Variants in WDR43 observed in about 807,000 individuals in gnomAD.
The protein encoded by WDR43 is WD repeat-containing protein 43.
A neutral mutation model predicts 91.4 loss-of-function variants in WDR43; 13 were observed. The observed-to-expected ratio is 0.14, with a 90% CI of 0.09 to 0.23. The LOEUF (loss-of-function observed/expected upper bound fraction) is 0.23. Ranked by LOEUF, WDR43 falls within the 10% of genes least tolerant of loss-of-function variation. The pLI, the probability that WDR43 is intolerant of heterozygous loss-of-function variation, is 1.00. For synonymous variants in WDR43, 331 were observed against 287.9 expected, an observed-to-expected ratio of 1.15 and a Z score of -1.51; for missense variants, 780 against 809.4, an observed-to-expected ratio of 0.96 and a Z score of 0.44.
At chr2:28,895,259 C>T (rs1005918340) in intron 1 of WDR43, 2 of 244,156 alleles carry the variant, frequency 8.2e-6, no homozygotes, top group Non-Finnish European at 1.6e-5. Flanking sequence ...GGCCTTGGCT[C>T]ATCAGAGTTC....
intron 16 of WDR43, among the ~76,000 whole-genome samples, chr2:28,943,928 T>C (rs1182445206): frequency 6.6e-6 from 1 of 152,178 alleles, no homozygotes; most frequent in Non-Finnish European, 1.5e-5. Context: ...ATCTCAAAGT[T>C]GACAATTTGC....
Position 28,941,393 on chromosome 2 carries a change from T to A in WDR43, c.1621-68T>A. On this transcript the variant is annotated intron_variant, in intron 14 of 17. Coordinates refer to ENST00000407426, the MANE Select transcript of WDR43 (RefSeq NM_015131.3). ...CAGTGGCTAAATACTGAGGCATAGC[T>A]GAGCATGATTTGCGTGTTCGTCATC... The A allele has an allele frequency of 2.4e-6, 3 of 1,232,946 alleles. No individual in the cohort carries two copies. In the South Asian group the frequency reaches 4.0e-5, roughly 17 times the overall value. The allele number at this position is 1,232,946 out of a possible 1,614,324, so 76.4% of individuals were successfully genotyped here.
chr2:28,936,814 A>C (rs1671345317), intron 12 of WDR43, 108 bp from the exon 13 acceptor site: 1 of 1,007,986 alleles, frequency 9.9e-7, no homozygotes, highest in African/African-American at 1.6e-5. Context: ...TTTAAAATAG[A>C]CTACTTATTA....
intron 5 of WDR43, among the ~76,000 whole-genome samples, chr2:28,914,860 C>T (rs55795053): frequency 0.038 from 5,778 of 152,078 alleles, 365 homozygotes; most frequent in African/African-American, 0.13. Context: ...ACTCAGGAGG[C>T]GGAGGTTGCA....
chr2:28,926,364 T>C (rs1671140351), intron 8 of WDR43, 104 bp from the exon 9 acceptor site: 1 of 781,960 alleles, frequency 1.3e-6, no homozygotes, highest in African/African-American at 1.7e-5. Context: ...AATGCACAAG[T>C]AGTCATTTAT....
chr2:28,938,270 T>C (rs528866832), intron 14 of WDR43, among the ~76,000 whole-genome samples: 17 of 152,206 alleles, frequency 1.1e-4, no homozygotes, highest in Non-Finnish European at 2.5e-4. Flanking sequence ...AAAAGTTATA[T>C]AATGACATAC....
At chr2:28,941,659 C>A (rs1671439493) in intron 15 of WDR43, 85 bp downstream of exon 15, 2 of 1,047,384 alleles carry the variant, frequency 1.9e-6, no homozygotes, top group Non-Finnish European at 2.8e-6. Context: ...GAGACAGGGT[C>A]TTGCTCTGTC....
At chr2:28,894,961 C>T (rs1285601498) in intron 1 of WDR43, 38 bp downstream of exon 1, 13 of 1,483,888 alleles carry the variant, frequency 8.8e-6, no homozygotes, top group East Asian at 5.5e-5. Flanking sequence ...GGCGCCTTCC[C>T]GGGCTCGGCT....
chr2:28,913,791 T>G (rs770727875), intron 4 of WDR43: 8 of 612,896 alleles, frequency 1.3e-5, no homozygotes, highest in Non-Finnish European at 2.2e-5. Flanking sequence ...AGTGAATCTT[T>G]AATTCAAGAA....
intron 14 of WDR43, among the ~76,000 whole-genome samples, chr2:28,940,656 A>G (rs1043984650): frequency 6.6e-6 from 1 of 152,242 alleles, no homozygotes; most frequent in Admixed American, 6.5e-5. Flanking sequence ...GAGGCATTTA[A>G]ATTTTTCCAG....
chr2:28,934,628 C>G (rs903995499), intron 11 of WDR43, among the ~76,000 whole-genome samples: 11 of 152,120 alleles, frequency 7.2e-5, no homozygotes, highest in Non-Finnish European at 1.0e-4. Context: ...AAAATCATTA[C>G]TAATTACTGA....
At chr2:28,904,701 A>G (rs1389481964) in intron 2 of WDR43, among the ~76,000 whole-genome samples, 2 of 152,374 alleles carry the variant, frequency 1.3e-5, no homozygotes, top group East Asian at 1.9e-4. Context: ...GCGTGTATAT[A>G]AGACTTAGTT....
chr2:28,903,472 GACA>G (rs1406397689), intron 2 of WDR43, among the ~76,000 whole-genome samples: 1 of 152,046 alleles, frequency 6.6e-6, no homozygotes. Flanking sequence ...CAGCAACAAC[GACA>G]ACAAAGAAAC....
chr2:28,920,484 T>TC (rs1340923658), intron 6 of WDR43, among the ~76,000 whole-genome samples: 2 of 151,950 alleles, frequency 1.3e-5, no homozygotes, highest in African/African-American at 2.4e-5. Flanking sequence ...CACCTTGGCC[T>TC]CCCAAAGTGC....
chr2:28,926,477 TC>T lies in WDR43; in HGVS notation c.1098del (p.Arg367GlufsTer7). 6.4e-7 allele frequency: 1 copy of T among 1,571,874 alleles called. No individual in the cohort carries two copies. The highest frequency in any genetic ancestry group is 8.6e-7 in the Non-Finnish European group (1 of 1,157,004). ...AAAAATATATTTTCAGGCTTTAAACTCCAGAGAACCTCATATGTGTTTAGTA... is the reference window on the plus strand; with the variant it reads ...AAAAATATATTTTCAGGCTTTAAACTCAGAGAACCTCATATGTGTTTAGTA... Reference protein sequence around the residue: ...QPTIERVALNSREPHMCLVRD... With the variant: ...QPTIERVALNXREPHMCLVRD... On this transcript the variant is annotated frameshift_variant, in exon 9 of 18. Transcript: ENST00000407426. LOFTEE classifies it high-confidence loss of function.
In WDR43 at chr2:28,935,544, A is replaced by C; in HGVS notation, c.1461A>C (p.Val487=). The C allele has an allele frequency of 6.3e-7, 1 of 1,597,918 alleles. No homozygotes were observed. The highest frequency in any genetic ancestry group is 8.5e-7 in the Non-Finnish European group (1 of 1,173,544). Residue 487 remains valine (V), a synonymous_variant, in exon 12 of 18, where the codon GTA becomes GTC. Coordinates refer to ENST00000407426, the MANE Select transcript of WDR43 (RefSeq NM_015131.3). The part of the protein sequence containing the change: ...MLNKVLQTRN[V]NLIKKTVLRM... ...AGAAAGTACTTCAAACTAGGAATGT[A>C]AACCTTATAAAGAAGACTGTATTAA...
chr2:28,941,925 A>G (rs1455096321), intron 15 of WDR43, among the ~76,000 whole-genome samples: 3 of 152,176 alleles, frequency 2.0e-5, no homozygotes, highest in Admixed American at 6.5e-5. Flanking sequence ...AGAAATTGGT[A>G]AATCAGGATC....
At chr2:28,945,427 C>T (rs147102999) in intron 16 of WDR43, among the ~76,000 whole-genome samples, 1,815 of 152,294 alleles carry the variant, frequency 0.012, 16 homozygotes, top group Non-Finnish European at 0.016. Context: ...TACTGTGTTT[C>T]TGAAGACTCT....
chr2:28,899,510 T>A (rs2148177056), intron 1 of WDR43, among the ~76,000 whole-genome samples: 1 of 152,258 alleles, frequency 6.6e-6, no homozygotes, highest in South Asian at 2.1e-4. Flanking sequence ...AGGATGGAAT[T>A]GGAGATAAGA....
Sources: gnomAD v4.1 joint callset for allele counts (sites outside exome capture counted in the v4.1 genomes callset) on GRCh38, gnomAD v4.1.1 for gene constraint, MANE v1.5 for transcripts, NCBI Gene and HGNC (gene_info 2026-07-23, HGNC 2026-07-21) for gene names.